GSK3B: variants seen among roughly 807,000 people sequenced by gnomAD.
The protein encoded by GSK3B is glycogen synthase kinase-3 beta.
GSK3B carries 15 observed loss-of-function variants against 56.4 expected under a neutral mutation model. That is an observed-to-expected ratio of 0.27 (90% CI 0.18 to 0.41). The LOEUF (loss-of-function observed/expected upper bound fraction) is 0.41, where lower values mean the gene tolerates loss of function less well. GSK3B is among the 10% of genes least tolerant of loss of function. The pLI is 1.00. For missense variants in GSK3B, 300 were observed against 513.4 expected, an observed-to-expected ratio of 0.58 and a Z score of 4.02; for synonymous variants, 181 against 188.9, an observed-to-expected ratio of 0.96 and a Z score of 0.34.
intron 1 of GSK3B, among the ~76,000 whole-genome samples, chr3:120,087,620 C>T (rs955301135): frequency 4.0e-5 from 6 of 151,770 alleles, no homozygotes; most frequent in Non-Finnish European, 8.8e-5. Flanking sequence ...TAAGGGAACA[C>T]GTTAAGGACT....
intron 2 of GSK3B, among the ~76,000 whole-genome samples, chr3:119,965,538 A>C (rs2057311359): frequency 6.6e-6 from 1 of 151,788 alleles, no homozygotes; most frequent in South Asian, 2.1e-4. Context: ...GATGACACTA[A>C]AAAAGAATAC....
At chr3:120,069,013 CA>C (rs1347209493) in intron 1 of GSK3B, among the ~76,000 whole-genome samples, 2 of 150,908 alleles carry the variant, frequency 1.3e-5, no homozygotes, top group African/African-American at 4.9e-5. Flanking sequence ...CTAAGGGTAA[CA>C]AGAAAGGAAG....
chr3:120,062,914 T>A (rs540687552), intron 1 of GSK3B, among the ~76,000 whole-genome samples: 1 of 152,328 alleles, frequency 6.6e-6, no homozygotes, highest in East Asian at 1.9e-4. Context: ...TAGAGCAGAT[T>A]ACAATACTGT....
intron 7 of GSK3B, among the ~76,000 whole-genome samples, chr3:119,895,323 G>A (rs764518812): frequency 3.3e-5 from 5 of 152,030 alleles, no homozygotes; most frequent in Admixed American, 2.0e-4. Flanking sequence ...TTTTCCTTCC[G>A]TTCATCCACT....
At chr3:119,850,283 C>T (rs1328568415) in intron 9 of GSK3B, among the ~76,000 whole-genome samples, 2 of 151,970 alleles carry the variant, frequency 1.3e-5, no homozygotes, top group Non-Finnish European at 2.9e-5. Context: ...TAGCAAGAAC[C>T]TAAAAGTTAA....
At chr3:119,984,280 C>T (rs930601327) in intron 2 of GSK3B, among the ~76,000 whole-genome samples, 4 of 151,838 alleles carry the variant, frequency 2.6e-5, no homozygotes, top group Non-Finnish European at 4.4e-5. Context: ...GACACCCTAA[C>T]ATCACAATTA....
intron 1 of GSK3B, among the ~76,000 whole-genome samples, chr3:120,074,340 G>C (rs886783626): frequency 1.3e-5 from 2 of 148,318 alleles, no homozygotes; most frequent in Admixed American, 1.4e-4. Flanking sequence ...AAATAAGAAG[G>C]GTCATGAGAA....
At chr3:119,887,624 CAT>C (rs1350006663) in intron 7 of GSK3B, among the ~76,000 whole-genome samples, 1 of 152,026 alleles carries the variant, frequency 6.6e-6, no homozygotes, top group Non-Finnish European at 1.5e-5. Flanking sequence ...AACATGTACA[CAT>C]GTGACTTGAG....
At chr3:120,059,349 G>A (rs537893841) in intron 1 of GSK3B, among the ~76,000 whole-genome samples, 28 of 152,160 alleles carry the variant, frequency 1.8e-4, no homozygotes, top group Non-Finnish European at 3.7e-4. Flanking sequence ...AGAATGCCTA[G>A]CATATAGTCG....
intron 2 of GSK3B, among the ~76,000 whole-genome samples, chr3:119,949,008 C>T (rs539750967): frequency 6.6e-6 from 1 of 152,172 alleles, no homozygotes; most frequent in African/African-American, 2.4e-5. Context: ...AGCCTCTATA[C>T]TTTGTTAATT....
intron 3 of GSK3B, among the ~76,000 whole-genome samples, chr3:119,945,902 A>G (rs2057095366): frequency 6.6e-6 from 1 of 152,144 alleles, no homozygotes; most frequent in Admixed American, 6.6e-5. Flanking sequence ...TTTCATTACA[A>G]AGAGTGTACT....
chr3:119,963,625 CAAAAAA>C (rs774359104), intron 2 of GSK3B, among the ~76,000 whole-genome samples: 1 of 79,196 alleles, frequency 1.3e-5, no homozygotes, highest in Non-Finnish European at 2.6e-5. Flanking sequence ...TTCTTCCCCA[CAAAAAA>C]AAAAAAAAAA....
chr3:120,078,944 C>CACA (rs2058390017), intron 1 of GSK3B, among the ~76,000 whole-genome samples: 2 of 145,710 alleles, frequency 1.4e-5, no homozygotes, highest in Non-Finnish European at 3.0e-5. Context: ...CACACACACA[C>CACA]ACTTTTTTTT....
At chr3:119,854,906 C>T (rs1053708023) in intron 9 of GSK3B, among the ~76,000 whole-genome samples, 6 of 151,944 alleles carry the variant, frequency 3.9e-5, no homozygotes, top group South Asian at 2.1e-4. Context: ...GGGTTTTTTG[C>T]GTCTCTATCT....
intron 1 of GSK3B, among the ~76,000 whole-genome samples, chr3:120,016,189 C>A (rs567078409): frequency 6.6e-6 from 1 of 152,314 alleles, no homozygotes; most frequent in African/African-American, 2.4e-5. Flanking sequence ...GCATAAGAAT[C>A]ACCTGGGAGT....
intron 1 of GSK3B, among the ~76,000 whole-genome samples, chr3:120,054,717 C>T (rs544001350): frequency 1.3e-5 from 2 of 152,144 alleles, no homozygotes; most frequent in Non-Finnish European, 2.9e-5. Context: ...CACTGCTCAT[C>T]AGCTCATACA....
At chr3:119,951,429 G>A (rs963414858) in intron 2 of GSK3B, among the ~76,000 whole-genome samples, 1 of 152,082 alleles carries the variant, frequency 6.6e-6, no homozygotes, top group Non-Finnish European at 1.5e-5. Flanking sequence ...AAATTAGCCG[G>A]GCTTGGTGGC....
chr3:120,084,719 C>A (rs2058449234), intron 1 of GSK3B: 1 of 152,172 alleles, frequency 6.6e-6, no homozygotes, highest in Non-Finnish European at 1.5e-5. Context: ...AAATAAACAT[C>A]TATTTTAAAT....
intron 1 of GSK3B, among the ~76,000 whole-genome samples, chr3:120,033,316 T>A (rs2057993652): frequency 6.6e-6 from 1 of 152,220 alleles, no homozygotes; most frequent in Non-Finnish European, 1.5e-5. Flanking sequence ...TGTGTATATA[T>A]GAACATATGG....
Sources: gnomAD v4.1 joint callset for allele counts (sites outside exome capture counted in the v4.1 genomes callset) on GRCh38, gnomAD v4.1.1 for gene constraint, MANE v1.5 for transcripts, NCBI Gene and HGNC (gene_info 2026-07-23, HGNC 2026-07-21) for gene names.